CNTNAP2: variants seen among roughly 807,000 people sequenced by gnomAD.
CNTNAP2 encodes contactin-associated protein-like 2.
In CNTNAP2, 98 loss-of-function variants were observed where a neutral mutation model predicts 155.2. That is an observed-to-expected ratio of 0.63 (90% CI 0.54 to 0.75). The LOEUF is 0.75. Ranked by LOEUF, CNTNAP2 falls within the 30% of genes least tolerant of loss-of-function variation. The pLI is 0.00. For synonymous variants in CNTNAP2, 651 were observed against 631.2 expected, an observed-to-expected ratio of 1.03 and a Z score of -0.47; for missense variants, 1,727 against 1,688.1, an observed-to-expected ratio of 1.02 and a Z score of -0.40.
rs146114361 is a variant in CNTNAP2, at chr7:147,084,490, A to G, written c.551-23657A>G. ...TATGTATATACACATATATGCACAT[A>G]GCATGCTTATAAATGCTCTATATTG... is the stretch of plus-strand genomic sequence containing the variant. On this transcript the variant is annotated intron_variant, in intron 4 of 23. Transcript: ENST00000361727. 3.4e-3 allele frequency among the ~76,000 whole-genome samples: 486 copies of G among 143,564 alleles called. 3 individuals are homozygous for G. The highest frequency in any genetic ancestry group is 0.012 in the African/African-American group (470 of 40,008). 94.2% of individuals were successfully genotyped at this position (143,564 alleles called of 152,430 possible). A position where few individuals can be genotyped will look rare whatever the true frequency, so the allele number is the denominator to read the frequency against.
chr7:147,302,247 A>C (rs918415613), intron 9 of CNTNAP2, among the ~76,000 whole-genome samples: 14 of 152,316 alleles, frequency 9.2e-5, no homozygotes, highest in African/African-American at 3.4e-4. Flanking sequence ...ATCTCTGCTG[A>C]TCCCTTGACT....
At chr7:147,578,873 T>G (rs1267452457) in intron 12 of CNTNAP2, among the ~76,000 whole-genome samples, 1 of 152,102 alleles carries the variant, frequency 6.6e-6, no homozygotes, top group Non-Finnish European at 1.5e-5. Context: ...TCTCTAAGCT[T>G]AGAAAACTCA....
chr7:147,479,035 A>G (rs1044137908), intron 10 of CNTNAP2, among the ~76,000 whole-genome samples: 8 of 152,132 alleles, frequency 5.3e-5, no homozygotes, highest in African/African-American at 1.4e-4. Flanking sequence ...GGCATCCACA[A>G]CTGTCTGCTG....
At chr7:147,233,764 A>G (rs1256106408) in intron 8 of CNTNAP2, among the ~76,000 whole-genome samples, 3 of 147,846 alleles carry the variant, frequency 2.0e-5, no homozygotes, top group Non-Finnish European at 4.5e-5. Flanking sequence ...ATATAAAAAC[A>G]TTGATGAATT....
intron 1 of CNTNAP2, among the ~76,000 whole-genome samples, chr7:146,275,442 A>G (rs1489644801): frequency 6.6e-6 from 1 of 152,338 alleles, no homozygotes; most frequent in African/African-American, 2.4e-5. Flanking sequence ...CACTTAAAAT[A>G]GAAGGGTATT....
At chr7:147,170,206 C>T (rs1380334939) in intron 8 of CNTNAP2, among the ~76,000 whole-genome samples, 1 of 152,026 alleles carries the variant, frequency 6.6e-6, no homozygotes, top group Non-Finnish European at 1.5e-5. Flanking sequence ...GCTTCCAAGG[C>T]GGGTGAATGG....
At chr7:147,450,017 C>T (rs935293784) in intron 10 of CNTNAP2, among the ~76,000 whole-genome samples, 6 of 152,136 alleles carry the variant, frequency 3.9e-5, no homozygotes, top group African/African-American at 1.4e-4. Context: ...TTGTAAATCC[C>T]CCAACCAAGG....
At chr7:147,371,892 G>A (rs1302575839) in intron 9 of CNTNAP2, among the ~76,000 whole-genome samples, 1 of 152,048 alleles carries the variant, frequency 6.6e-6, no homozygotes, top group Non-Finnish European at 1.5e-5. Context: ...ACATATGGAG[G>A]AAATGGACAA....
Position 147,828,348 on chromosome 7 carries a change from C to A in CNTNAP2, c.2099-75217C>A, listed in dbSNP as rs116766312. Among the ~76,000 whole-genome samples, 1,273 of 152,266 alleles carry A rather than the reference C, an allele frequency of 8.4e-3. 23 individuals carry two copies. The highest frequency in any genetic ancestry group is 0.029 in the African/African-American group (1,215 of 41,546). On this transcript the variant is annotated intron_variant, in intron 13 of 23. Coordinates refer to ENST00000361727, the MANE Select transcript of CNTNAP2 (RefSeq NM_014141.6). ...AGGGGCTTGGGCATTTCATTTAATA[C>A]CACTAAGTTTCAATTTATCCATATG...
At chr7:146,376,442 T>TA (rs1328857370) in intron 1 of CNTNAP2, among the ~76,000 whole-genome samples, 1 of 152,074 alleles carries the variant, frequency 6.6e-6, no homozygotes, top group Non-Finnish European at 1.5e-5. Flanking sequence ...AACACATAAA[T>TA]AAAAAAAGAA....
At chr7:147,060,839 G>C (rs2129262165) in intron 4 of CNTNAP2, among the ~76,000 whole-genome samples, 1 of 135,336 alleles carries the variant, frequency 7.4e-6, no homozygotes, top group East Asian at 1.9e-4. Flanking sequence ...ACTCCAGCCT[G>C]GGGGACAGAG....
chr7:148,370,153 C>T (rs1183133286), intron 21 of CNTNAP2, among the ~76,000 whole-genome samples: 1 of 152,170 alleles, frequency 6.6e-6, no homozygotes, highest in Non-Finnish European at 1.5e-5. Flanking sequence ...TCGGAGGATA[C>T]ACTGCACCCT....
chr7:147,766,401 T>A (rs563845384), intron 13 of CNTNAP2, among the ~76,000 whole-genome samples: 2 of 152,292 alleles, frequency 1.3e-5, no homozygotes, highest in South Asian at 4.1e-4. Flanking sequence ...GCTTGTAAAA[T>A]CATTCCTTTA....
intron 19 of CNTNAP2, among the ~76,000 whole-genome samples, chr7:148,224,333 C>T (rs534999388): frequency 6.3e-4 from 95 of 151,298 alleles, no homozygotes; most frequent in Non-Finnish European, 9.3e-4. Context: ...AAGGAAAAAC[C>T]GAGTAAACAC....
chr7:146,658,069 T>C (rs1161894102), intron 1 of CNTNAP2, among the ~76,000 whole-genome samples: 2 of 152,172 alleles, frequency 1.3e-5, no homozygotes, highest in African/African-American at 4.8e-5. Flanking sequence ...CTAGTGAAAC[T>C]ATCGAGAGTT....
chr7:148,328,033 C>T (rs1797921857), intron 21 of CNTNAP2, among the ~76,000 whole-genome samples: 1 of 152,246 alleles, frequency 6.6e-6, no homozygotes, highest in South Asian at 2.1e-4. Flanking sequence ...AGAACCCTGA[C>T]TTCCATCAGC....
chr7:146,478,236 G>T (rs903332350), intron 1 of CNTNAP2, among the ~76,000 whole-genome samples: 2 of 151,772 alleles, frequency 1.3e-5, no homozygotes, highest in African/African-American at 4.8e-5. Context: ...AGAGTGGAGA[G>T]ACAAAAATGA....
intron 13 of CNTNAP2, among the ~76,000 whole-genome samples, chr7:147,687,890 T>C (rs1796036303): frequency 6.6e-6 from 1 of 151,682 alleles, no homozygotes; most frequent in Non-Finnish European, 1.5e-5. Flanking sequence ...ACAAACATTC[T>C]GATACAGTAT....
Position 147,095,939 on chromosome 7 carries a change from A to G in CNTNAP2, c.551-12208A>G, listed in dbSNP as rs145309289. On this transcript the variant is annotated intron_variant, in intron 4 of 23. Coordinates refer to ENST00000361727, the MANE Select transcript of CNTNAP2 (RefSeq NM_014141.6). Reference sequence around the variant, plus strand: ...CTTCTCCCTTCATATGGGTCCTGACAGATGAGCCTTTTGGACCCCTCGTAA... The same window carrying G: ...CTTCTCCCTTCATATGGGTCCTGACGGATGAGCCTTTTGGACCCCTCGTAA... 2.2e-3 allele frequency among the ~76,000 whole-genome samples: 340 copies of G among 152,354 alleles called. 1 individual carries two copies. The highest frequency in any genetic ancestry group is 7.6e-3 in the African/African-American group (317 of 41,590).
Sources: allele counts gnomAD v4.1 joint callset (sites outside exome capture counted in the v4.1 genomes callset), GRCh38; gene constraint gnomAD v4.1.1; transcripts MANE v1.5; gene names NCBI Gene and HGNC (gene_info 2026-07-23, HGNC 2026-07-21).